The following SPAG7 variants were observed in gnomAD, a reference collection of about 807,000 sequenced individuals.
SPAG7 encodes sperm-associated antigen 7.
Under a neutral mutation model 30.6 loss-of-function variants are expected in SPAG7, and 20 were observed. The ratio of observed to expected loss-of-function variants is 0.65; its 90% CI spans 0.46 to 0.95. SPAG7 has a LOEUF of 0.95. SPAG7 is among the 40% of genes least tolerant of loss of function. The probability of loss-of-function intolerance (pLI) is 0.00; values close to 1 mark genes in which losing one functional copy is unlikely to be tolerated. For synonymous variants in SPAG7, 127 were observed against 104.2 expected (o/e 1.22, Z -1.33); for missense variants, 276 against 291.1 (o/e 0.95, Z 0.38).
chr17:4,959,473 A>G lies in SPAG7; in HGVS notation c.*61T>C, dbSNP rs1971820439. The G allele has an allele frequency of 7.4e-7, 1 of 1,357,820 alleles. No individual in the cohort carries two copies. The highest frequency in any genetic ancestry group is 2.4e-4 in the Middle Eastern group (1 of 4,082). 84.1% of individuals were successfully genotyped at this position (1,357,820 alleles called of 1,614,324 possible). On this transcript the variant is annotated 3_prime_UTR_variant, in exon 7 of 7. Transcript: ENST00000206020. ...CTCCAGGATGGGCTCTAATAGCAGCAGCCTTGTCTCTCCCTGCCCCCTGCC... is the reference window on the plus strand; with the variant it reads ...CTCCAGGATGGGCTCTAATAGCAGCGGCCTTGTCTCTCCCTGCCCCCTGCC...
intron 1 of SPAG7, chr17:4,967,006 C>T: frequency 3.0e-6 from 3 of 985,694 alleles, no homozygotes; most frequent in African/African-American, 3.5e-5. Flanking sequence ...CCTGCAGGGC[C>T]GCGCCCTACG....
chr17:4,967,610 G>C (rs1290355070), intron 1 of SPAG7, 110 bp downstream of exon 1: 1 of 811,502 alleles, frequency 1.2e-6, no homozygotes. Context: ...GTCTCGGAAG[G>C]GGCCTGTGAG....
intron 3 of SPAG7, 69 bp downstream of exon 3, chr17:4,960,390 C>G: frequency 6.3e-7 from 1 of 1,593,352 alleles, no homozygotes; most frequent in Non-Finnish European, 8.6e-7. Context: ...TCTGGAGGAG[C>G]CCCCCGCTGG....
At chr17:4,962,888 T>C (rs918251566) in intron 1 of SPAG7, among the ~76,000 whole-genome samples, 8 of 151,846 alleles carry the variant, frequency 5.3e-5, no homozygotes, top group African/African-American at 1.7e-4. Context: ...GCCTCTCAAA[T>C]TGCTTGAAAG....
chr17:4,960,898 G>A, intron 1 of SPAG7, 45 bp from the exon 2 acceptor site: 1 of 1,567,538 alleles, frequency 6.4e-7, no homozygotes, highest in Non-Finnish European at 8.8e-7. Flanking sequence ...TGGAAGCATG[G>A]GTGGGAAAGG....
At chr17:4,963,317 G>T (rs184503528) in intron 1 of SPAG7, among the ~76,000 whole-genome samples, 124 of 152,068 alleles carry the variant, frequency 8.2e-4, no homozygotes, top group Non-Finnish European at 1.4e-3. Context: ...GAGCCTGAGA[G>T]GTCTAGGTGA....
intron 1 of SPAG7, among the ~76,000 whole-genome samples, chr17:4,962,573 A>G (rs1031646948): frequency 6.6e-6 from 1 of 152,182 alleles, no homozygotes; most frequent in African/African-American, 2.4e-5. Flanking sequence ...ATGCTCAGCT[A>G]CTGTTTAAAA....
chr17:4,967,241 T>G (rs1971974523), intron 1 of SPAG7: 1 of 998,326 alleles, frequency 1.0e-6, no homozygotes, highest in South Asian at 4.1e-5. Context: ...CAGAGGACCC[T>G]GCAACCAATG....
At chr17:4,964,943 C>T (rs557296406) in intron 1 of SPAG7, among the ~76,000 whole-genome samples, 2 of 149,820 alleles carry the variant, frequency 1.3e-5, no homozygotes, top group Non-Finnish European at 3.0e-5. Context: ...GAGTTTCGCT[C>T]TCTTTGCCCA....
At chr17:4,967,236 G>A (rs1971974196) in intron 1 of SPAG7, 2 of 996,672 alleles carry the variant, frequency 2.0e-6, no homozygotes, top group African/African-American at 3.5e-5. Context: ...ACACACAGAG[G>A]ACCCTGCAAC....
chr17:4,963,896 T>C (rs778587536), intron 1 of SPAG7, among the ~76,000 whole-genome samples: 1 of 151,986 alleles, frequency 6.6e-6, no homozygotes, highest in African/African-American at 2.4e-5. Context: ...CTGTGAAGGG[T>C]CTTCTTTTTC....
chr17:4,964,805 G>A lies in SPAG7; in HGVS notation c.85+2915C>T, dbSNP rs190345438. Among the ~76,000 whole-genome samples the A allele has an allele frequency of 3.5e-3, 519 of 149,068 alleles. 5 individuals carry two copies. The highest frequency in any genetic ancestry group is 0.012 in the African/African-American group (500 of 40,404). ...GGCTGGAGTGCAGTGGCGCGATCTC[G>A]GCTCACTGCAACCTCTGCCTCCCGG... On this transcript the variant is annotated intron_variant, in intron 1 of 6. Coordinates refer to ENST00000206020, the MANE Select transcript of SPAG7 (RefSeq NM_004890.3).
In SPAG7 at chr17:4,959,866, C is replaced by G; in HGVS notation, c.468G>C (p.Val156=). The G allele has an allele frequency of 6.2e-7, 1 of 1,613,980 alleles. No homozygotes were observed. The highest frequency in any genetic ancestry group is 8.5e-7 in the Non-Finnish European group (1 of 1,180,028). The change falls in exon 6 of 7, where the codon GTG becomes GTC. Residue 156 remains valine (V), a synonymous_variant. Coordinates refer to ENST00000206020, the MANE Select transcript of SPAG7 (RefSeq NM_004890.3). ...CCTTGTAGTCGCTGGCAGGGCTCACCACCACAGGCCCCTGCTGGGCTGCCT... is the reference window on the plus strand; with the variant it reads ...CCTTGTAGTCGCTGGCAGGGCTCACGACCACAGGCCCCTGCTGGGCTGCCT... ...EEEAAQQGPV[V]VSPASDYKDK...
chr17:4,959,931 G>A lies in SPAG7; in HGVS notation c.418-15C>T, dbSNP rs1223471565. 1 of 1,612,622 alleles carries A rather than the reference G, an allele frequency of 6.2e-7. No homozygotes were observed. The highest frequency in any genetic ancestry group is 8.5e-7 in the Non-Finnish European group (1 of 1,179,876). Reference sequence around the variant, plus strand: ...TGGGCCAGCTCCTAGGGGTGAAAGTGGGGGCACTGGTGCTCAGGGCCCCAG... The same window carrying A: ...TGGGCCAGCTCCTAGGGGTGAAAGTAGGGGCACTGGTGCTCAGGGCCCCAG... On this transcript the variant is annotated splice_polypyrimidine_tract_variant and intron_variant, in intron 5 of 6. Coordinates refer to ENST00000206020, the MANE Select transcript of SPAG7 (RefSeq NM_004890.3).
chr17:4,959,923 G>T lies in SPAG7; in HGVS notation c.418-7C>A, dbSNP rs773087700. ...CTTGCCTCTGGGCCAGCTCCTAGGG[G>T]TGAAAGTGGGGGCACTGGTGCTCAG... On this transcript the variant is annotated splice_polypyrimidine_tract_variant and splice_region_variant and intron_variant, in intron 5 of 6. Coordinates refer to ENST00000206020, the MANE Select transcript of SPAG7 (RefSeq NM_004890.3). 1.2e-6 allele frequency: 2 copies of T among 1,612,784 alleles called. No individual in the cohort carries two copies. Among genetic ancestry groups the T allele is most frequent in the Admixed American group, 1.7e-5 (1 of 59,994 alleles).
At position 4,959,267 on chromosome 17, in the gene SPAG7, C is replaced by G. The variant is rs1209932426; in HGVS notation, c.*267G>C. ...TTATTGAATGTAAAGTACCCCAGCCCCATGGGGAAGAAAATTCCAAGAACG... is the reference window on the plus strand; with the variant it reads ...TTATTGAATGTAAAGTACCCCAGCCGCATGGGGAAGAAAATTCCAAGAACG... On this transcript the variant is annotated 3_prime_UTR_variant, in exon 7 of 7. Transcript: ENST00000206020. 5 of 544,832 alleles carry G rather than the reference C, an allele frequency of 9.2e-6. No homozygotes were observed. Among genetic ancestry groups the G allele is most frequent in the Non-Finnish European group, 1.6e-5 (5 of 306,426 alleles). The allele number at this position is 544,832 out of a possible 1,614,324, so 33.7% of individuals were successfully genotyped here. A position where few individuals can be genotyped will look rare whatever the true frequency, so the allele number is the denominator to read the frequency against.
At chr17:4,963,451 ATTTT>A (rs35484038) in intron 1 of SPAG7, among the ~76,000 whole-genome samples, 49 of 103,214 alleles carry the variant, frequency 4.7e-4, no homozygotes, top group South Asian at 1.8e-3. Flanking sequence ...GGAAAGGGGA[ATTTT>A]TTTTTTTTTT....
At chr17:4,966,562 T>C (rs1971956128) in intron 1 of SPAG7, 1 of 983,794 alleles carries the variant, frequency 1.0e-6, no homozygotes, top group African/African-American at 1.7e-5. Context: ...TAGACTCTTC[T>C]GCCTGTAACG....
At chr17:4,963,876 C>A (rs1971904497) in intron 1 of SPAG7, among the ~76,000 whole-genome samples, 1 of 152,114 alleles carries the variant, frequency 6.6e-6, no homozygotes, top group Admixed American at 6.6e-5. Flanking sequence ...GTGTAGGTGT[C>A]CAAGGTTAGC....
Sources: gnomAD v4.1 joint callset for allele counts (sites outside exome capture counted in the v4.1 genomes callset) on GRCh38, gnomAD v4.1.1 for gene constraint, MANE v1.5 for transcripts, NCBI Gene and HGNC (gene_info 2026-07-23, HGNC 2026-07-21) for gene names.